The following CSF2RA variants were observed in gnomAD, a reference collection of about 807,000 sequenced individuals.
The protein encoded by CSF2RA is colony stimulating factor 2 receptor subunit alpha.
A neutral mutation model predicts 51.6 loss-of-function variants in CSF2RA; 42 were observed. The observed-to-expected ratio is 0.81, with a 90% CI of 0.64 to 1.05. The LOEUF is 1.05. Among genes scored for constraint, CSF2RA ranks in the 50% least tolerant of loss-of-function variants. The pLI is 0.00. For synonymous variants in CSF2RA, 222 were observed against 193.0 expected, an observed-to-expected ratio of 1.15 and a Z score of -1.24; for missense variants, 530 against 501.1, an observed-to-expected ratio of 1.06 and a Z score of -0.55.
the CSF2RA span, among the ~76,000 whole-genome samples, chrX:1,322,314 G>A: frequency 1.5e-3 from 226 of 148,308 alleles, no homozygotes; most frequent in Admixed American, 3.8e-3. Context: ...GACTTTCACC[G>A]TGTTAGCCAG....
the CSF2RA span, among the ~76,000 whole-genome samples, chrX:1,319,064 C>G: frequency 1.5e-5 from 2 of 136,602 alleles, 1 homozygote; most frequent in Non-Finnish European, 3.3e-5. Context: ...GGCATGATCT[C>G]GGCTCACTAC....
At chrX:1,292,738 G>C (rs1179782832) in intron 7 of CSF2RA, among the ~76,000 whole-genome samples, 1 of 152,116 alleles carries the variant, frequency 6.6e-6, no homozygotes, top group Non-Finnish European at 1.5e-5. Flanking sequence ...ACGAATGTAC[G>C]ATCGGGTTTT....
At chrX:1,318,508 C>T in the CSF2RA span, among the ~76,000 whole-genome samples, 67 of 152,048 alleles carry the variant, frequency 4.4e-4, no homozygotes, top group African/African-American at 1.5e-3. Flanking sequence ...GTTGCACCTT[C>T]TCCTCTTACC....
intron 3 of CSF2RA, among the ~76,000 whole-genome samples, chrX:1,283,215 T>C (rs1334281867): frequency 6.9e-6 from 1 of 144,508 alleles, no homozygotes; most frequent in African/African-American, 2.6e-5. Context: ...TTCCTTCTCT[T>C]CCTCCTGCCC....
the CSF2RA span, among the ~76,000 whole-genome samples, chrX:1,320,791 A>G: frequency 9.4e-5 from 14 of 149,668 alleles, no homozygotes; most frequent in Non-Finnish European, 1.6e-4. Flanking sequence ...GATTACAGGC[A>G]TGAGCCACTG....
chrX:1,312,872 G>C (rs2084246324), downstream of CSF2RA, among the ~76,000 whole-genome samples: 1 of 152,004 alleles, frequency 6.6e-6, no homozygotes, highest in Non-Finnish European at 1.5e-5. Flanking sequence ...TTCTACCCCT[G>C]ACCTTTTGAT....
In CSF2RA at chrX:1,285,855, C is replaced by G. The variant is rs2090585556; in HGVS notation, c.154C>G (p.Gln52Glu). Residue 52 changes from glutamine (Q) to glutamate (E), a missense_variant, in exon 4 of 13, where the codon CAA (glutamine) becomes GAA (glutamate). By Grantham distance (29) the Gln-to-Glu change is conservative (BLOSUM62 2). Transcript: ENST00000381529. Reference protein sequence around the residue: ...SRTMNLSWDCQENTTFSKCFL... With the variant: ...SRTMNLSWDCEENTTFSKCFL... Reference sequence around the variant, plus strand: ...GACGATGAATTTAAGCTGGGACTGCCAAGAAAACACAACCTTCAGCAAGTG... The same window carrying G: ...GACGATGAATTTAAGCTGGGACTGCGAAGAAAACACAACCTTCAGCAAGTG... 1 of 1,613,854 alleles carries G rather than the reference C, an allele frequency of 6.2e-7. No individual in the cohort carries two copies. Among genetic ancestry groups the G allele is most frequent in the Non-Finnish European group, 8.5e-7 (1 of 1,179,842 alleles).
downstream of CSF2RA, among the ~76,000 whole-genome samples, chrX:1,314,245 ACTG>A (rs2084320771): frequency 9.5e-6 from 1 of 105,490 alleles, no homozygotes; most frequent in African/African-American, 3.0e-5. Context: ...GCCCAACCCC[ACTG>A]CACCTGCCCA....
intron 2 of CSF2RA, among the ~76,000 whole-genome samples, chrX:1,277,350 C>G (rs2089309755): frequency 6.6e-6 from 1 of 151,902 alleles, no homozygotes; most frequent in African/African-American, 2.4e-5. Flanking sequence ...GTAATCCCAG[C>G]ACCTTGGGAG....
chrX:1,305,260 T>G (rs752154655), intron 11 of CSF2RA, among the ~76,000 whole-genome samples, 186 bp from the exon 12 acceptor site: 5 of 152,092 alleles, frequency 3.3e-5, no homozygotes, highest in Non-Finnish European at 7.4e-5. Flanking sequence ...GTGCTGGGAT[T>G]ACAGGTGTGA....
intron 12 of CSF2RA, among the ~76,000 whole-genome samples, chrX:1,307,198 T>G: frequency 6.6e-6 from 1 of 152,322 alleles, no homozygotes; most frequent in East Asian, 1.9e-4. Flanking sequence ...AGAACTGTCC[T>G]GCATTCTCAG....
At chrX:1,313,486 A>C (rs1451041056), downstream of CSF2RA, among the ~76,000 whole-genome samples, 85 of 145,616 alleles carry the variant, frequency 5.8e-4, no homozygotes, top group Middle Eastern at 3.6e-3. Flanking sequence ...CAAGGCAGGC[A>C]GATCATTTGA....
chrX:1,294,540 G>A, intron 8 of CSF2RA, 79 bp downstream of exon 8: 1 of 1,591,276 alleles, frequency 6.3e-7, no homozygotes, highest in South Asian at 1.1e-5. Flanking sequence ...GGGAATCCCG[G>A]GGAAGTGGCC....
At chrX:1,269,631 GA>G (rs1283741834) in intron 1 of CSF2RA, among the ~76,000 whole-genome samples, 72 of 42,600 alleles carry the variant, frequency 1.7e-3, no homozygotes, top group South Asian at 7.1e-3. Flanking sequence ...TCAAAAAAAA[GA>G]AAAAGAAAAA....
the CSF2RA span, among the ~76,000 whole-genome samples, chrX:1,321,629 C>T: frequency 1.3e-5 from 2 of 151,022 alleles, no homozygotes; most frequent in Admixed American, 1.3e-4. Context: ...TGGGGGTTAA[C>T]TTAAACAGTG....
chrX:1,323,691 C>G, the CSF2RA span, among the ~76,000 whole-genome samples: 1 of 151,720 alleles, frequency 6.6e-6, no homozygotes, highest in Non-Finnish European at 1.5e-5. Flanking sequence ...TGAGGCTAGC[C>G]TGGGCAACAT....
chrX:1,309,496 G>A lies in CSF2RA; in HGVS notation c.*17G>A, dbSNP rs767208634. On this transcript the variant is annotated 3_prime_UTR_variant, in exon 13 of 13. Coordinates refer to ENST00000381529, the MANE Select transcript of CSF2RA (RefSeq NM_172245.4). ...ATTACCTGAGACCCAGAGGGTGTAG[G>A]AATGGCATGGACATCTCCGCCTCCG... is the stretch of plus-strand genomic sequence containing the variant. The A allele has an allele frequency of 1.9e-6, 3 of 1,613,988 alleles. No homozygotes were observed. The highest frequency in any genetic ancestry group is 2.5e-6 in the Non-Finnish European group (3 of 1,179,856).
At chrX:1,314,285 T>A (rs113649662), downstream of CSF2RA, among the ~76,000 whole-genome samples, 19,641 of 46,914 alleles carry the variant, frequency 0.42, 2,810 homozygotes, top group East Asian at 0.61. Flanking sequence ...CCAACCCCAC[T>A]GCATCTGCCC....
chrX:1,314,929 ACTGCACTTGCCCAACCC>A (rs2084486537), downstream of CSF2RA, among the ~76,000 whole-genome samples: 1 of 87,094 alleles, frequency 1.1e-5, no homozygotes, highest in African/African-American at 4.1e-5. Context: ...GCCCAACCGC[ACTGCACTTGCCCAACCC>A]CTCTGTGCCT....
Sources: gnomAD v4.1 joint callset for allele counts (sites outside exome capture counted in the v4.1 genomes callset) on GRCh38, gnomAD v4.1.1 for gene constraint, MANE v1.5 for transcripts, NCBI Gene and HGNC (gene_info 2026-07-23, HGNC 2026-07-21) for gene names.